Variants in APBB2 observed in about 807,000 individuals in gnomAD.
APBB2 encodes the protein amyloid beta precursor protein binding family B member 2.
In APBB2, 38 loss-of-function variants were observed where a neutral mutation model predicts 82.5. That is an observed-to-expected ratio of 0.46 (90% CI 0.36 to 0.60). The LOEUF (loss-of-function observed/expected upper bound fraction) is 0.60, where lower values mean the gene tolerates loss of function less well. APBB2 is among the 20% of genes least tolerant of loss of function. The pLI, the probability that APBB2 is intolerant of heterozygous loss-of-function variation, is 0.00. For missense variants in APBB2, 772 were observed against 972.3 expected (o/e 0.79, Z 2.74); for synonymous variants, 341 against 368.2 (o/e 0.93, Z 0.85).
chr4:41,175,332 T>A (rs893024868), intron 1 of APBB2, among the ~76,000 whole-genome samples: 1 of 152,216 alleles, frequency 6.6e-6, no homozygotes, highest in Non-Finnish European at 1.5e-5. Context: ...ACTTTCAAAG[T>A]ACACATTTAG....
intron 2 of APBB2, chr4:41,118,102 T>C: frequency 6.6e-6 from 1 of 152,066 alleles, no homozygotes. Context: ...TGGTCCCAGC[T>C]ATTCAGGAGG....
At chr4:41,194,535 T>A in intron 1 of APBB2, among the ~76,000 whole-genome samples, 1 of 152,102 alleles carries the variant, frequency 6.6e-6, no homozygotes, top group African/African-American at 2.4e-5. Context: ...ATACAAAAAT[T>A]AGCCGGGCAT....
intron 12 of APBB2, among the ~76,000 whole-genome samples, chr4:40,889,239 C>T (rs1221193184): frequency 6.6e-6 from 1 of 152,254 alleles, no homozygotes; most frequent in African/African-American, 2.4e-5. Context: ...ATGTCTGGTT[C>T]TAGCATAAAT....
Position 40,825,894 on chromosome 4 carries a change from T to A in APBB2, c.1809A>T (p.Lys603Asn), listed in dbSNP as rs759639152. Residue 603 changes from lysine to asparagine, a missense_variant, in exon 15 of 18, where the codon AAA (lysine) becomes AAT (asparagine). Physicochemically the swap from Lys to Asn is moderately conservative, Grantham distance 94. Coordinates refer to ENST00000508593, the MANE Select transcript of APBB2 (RefSeq NM_004307.2). Reference protein sequence around the residue: ...VQYLGMLPVDKPVGMDILNSA... With the variant: ...VQYLGMLPVDNPVGMDILNSA... ...AATAAACATTTCACATACCGACTGG[T>A]TTGTCTACAGGTAACATGCCCAAGT... 5.6e-6 allele frequency: 9 copies of A among 1,613,736 alleles called. No individual in the cohort carries two copies. The highest frequency in any genetic ancestry group is 7.6e-6 in the Non-Finnish European group (9 of 1,179,766).
intron 2 of APBB2, among the ~76,000 whole-genome samples, chr4:41,122,843 G>A (rs1753261053): frequency 6.6e-6 from 1 of 152,032 alleles, no homozygotes; most frequent in Non-Finnish European, 1.5e-5. Context: ...ATTCTGCCCT[G>A]CCGTGCCATG....
chr4:40,893,790 A>G (rs1772820366), intron 10 of APBB2, among the ~76,000 whole-genome samples: 1 of 151,852 alleles, frequency 6.6e-6, no homozygotes, highest in Non-Finnish European at 1.5e-5. Flanking sequence ...CCTGGCCAAC[A>G]TGGCGAAACC....
At chr4:41,129,749 C>T (rs1755443303) in intron 2 of APBB2, among the ~76,000 whole-genome samples, 1 of 151,886 alleles carries the variant, frequency 6.6e-6, no homozygotes, top group Non-Finnish European at 1.5e-5. Flanking sequence ...AGGGATGTAT[C>T]AGTGAACAAA....
At chr4:41,128,727 A>C (rs1204868634) in intron 2 of APBB2, among the ~76,000 whole-genome samples, 1 of 152,198 alleles carries the variant, frequency 6.6e-6, no homozygotes, top group Non-Finnish European at 1.5e-5. Flanking sequence ...ACATTCTGGT[A>C]AGGTACACAC....
intron 12 of APBB2, among the ~76,000 whole-genome samples, chr4:40,833,229 C>A (rs1182707784): frequency 6.6e-6 from 1 of 152,236 alleles, no homozygotes; most frequent in Non-Finnish European, 1.5e-5. Flanking sequence ...GCCAAATCTC[C>A]CCAAAGCTCC....
chr4:40,823,507 T>A, intron 16 of APBB2, 137 bp downstream of exon 16: 1 of 640,214 alleles, frequency 1.6e-6, no homozygotes, highest in Admixed American at 2.5e-5. Context: ...AAGGGCCAAA[T>A]CTTTCAAATG....
At chr4:41,212,746 C>T (rs1197003654) in intron 1 of APBB2, among the ~76,000 whole-genome samples, 2 of 152,108 alleles carry the variant, frequency 1.3e-5, no homozygotes, top group South Asian at 2.1e-4. Flanking sequence ...TGTACTTGTA[C>T]CCCACCACCT....
chr4:41,163,894 C>T (rs2154043228), intron 1 of APBB2, among the ~76,000 whole-genome samples: 1 of 152,246 alleles, frequency 6.6e-6, no homozygotes, highest in African/African-American at 2.4e-5. Flanking sequence ...CATACTTCTA[C>T]AGCTTTGTAT....
intron 1 of APBB2, among the ~76,000 whole-genome samples, chr4:41,192,232 G>A (rs1207137215): frequency 6.6e-6 from 1 of 152,148 alleles, no homozygotes; most frequent in Non-Finnish European, 1.5e-5. Context: ...CAGTATGGAG[G>A]TTACCAAAGA....
chr4:41,103,221 T>C (rs981259071), intron 2 of APBB2, among the ~76,000 whole-genome samples: 2 of 152,230 alleles, frequency 1.3e-5, no homozygotes, highest in Non-Finnish European at 1.5e-5. Context: ...AATTTATTTA[T>C]GTAAGATTCC....
Position 41,034,134 on chromosome 4 carries a change from C to T in APBB2, c.-50-830G>A, listed in dbSNP as rs1251117742. Among the ~76,000 whole-genome samples the T allele has an allele frequency of 2.0e-5, 3 of 152,208 alleles. No individual in the cohort carries two copies. In the South Asian group the frequency reaches 6.2e-4, roughly 32 times the overall value. On this transcript the variant is annotated intron_variant, in intron 4 of 17. Transcript: ENST00000508593. ...TGGATCCCACTGCTCGGCAATTCCA[C>T]TTCTGATAATTTGTTTCACAGACAA...
chr4:40,942,843 G>A (rs915451449), intron 7 of APBB2, among the ~76,000 whole-genome samples: 4 of 152,196 alleles, frequency 2.6e-5, no homozygotes, highest in African/African-American at 7.2e-5. Flanking sequence ...GCACCCACCT[G>A]TGCTGCATTC....
intron 12 of APBB2, among the ~76,000 whole-genome samples, chr4:40,888,053 C>T (rs1770843360): frequency 1.3e-5 from 2 of 152,220 alleles, no homozygotes; most frequent in Non-Finnish European, 2.9e-5. Context: ...CGGTCTGACT[C>T]CTCTCCGACC....
At chr4:40,881,871 C>T (rs1298171440) in intron 12 of APBB2, among the ~76,000 whole-genome samples, 1 of 152,126 alleles carries the variant, frequency 6.6e-6, no homozygotes, top group Non-Finnish European at 1.5e-5. Flanking sequence ...ACCTAAAACA[C>T]TGCCCTTTAT....
intron 12 of APBB2, among the ~76,000 whole-genome samples, chr4:40,875,613 T>G (rs1331896853): frequency 6.6e-6 from 1 of 152,184 alleles, no homozygotes; most frequent in Non-Finnish European, 1.5e-5. Context: ...ATTTTACACT[T>G]TACAGCACAT....
Sources: allele counts gnomAD v4.1 joint callset (sites outside exome capture counted in the v4.1 genomes callset), GRCh38; gene constraint gnomAD v4.1.1; transcripts MANE v1.5; gene names NCBI Gene and HGNC (gene_info 2026-07-23, HGNC 2026-07-21).